The following AP3S2 variants were observed in gnomAD, a reference collection of about 807,000 sequenced individuals.
AP3S2 encodes AP-3 complex subunit sigma-2.
AP3S2 carries 22 observed loss-of-function variants against 23.4 expected under a neutral mutation model. The ratio of observed to expected loss-of-function variants is 0.94; its 90% CI spans 0.67 to 1.34. The LOEUF is 1.34. Among genes scored for constraint, AP3S2 ranks in the 40% most tolerant of loss-of-function variants. AP3S2 has a pLI of 0.00. For synonymous variants in AP3S2, 86 were observed against 87.1 expected (o/e 0.99, Z 0.07); for missense variants, 241 against 236.9 (o/e 1.02, Z -0.11).
intron 2 of AP3S2, among the ~76,000 whole-genome samples, chr15:89,888,836 C>T (rs887974873): frequency 1.1e-4 from 16 of 152,174 alleles, no homozygotes; most frequent in Admixed American, 5.2e-4. Context: ...TGCCTATCCT[C>T]CCGGGGATCA....
At position 89,832,400 on chromosome 15, in the gene AP3S2, C is replaced by T. The variant is rs370980384; in HGVS notation, c.*3115G>A. The T allele has an allele frequency of 2.0e-5, 3 of 151,962 alleles. No individual in the cohort carries two copies. The highest frequency in any genetic ancestry group is 4.4e-5 in the Non-Finnish European group (3 of 68,064). 9.4% of individuals were successfully genotyped at this position (151,962 alleles called of 1,614,324 possible). A position where few individuals can be genotyped will look rare whatever the true frequency, so the allele number is the denominator to read the frequency against. Reference sequence around the variant, plus strand: ...TCGAGGCTGCAGTGAGCCATGATCACACCACTGCACTCCAGCCTGAGCCAC... The same window carrying T: ...TCGAGGCTGCAGTGAGCCATGATCATACCACTGCACTCCAGCCTGAGCCAC... On this transcript the variant is annotated 3_prime_UTR_variant, in exon 6 of 6. Coordinates refer to ENST00000336418, the MANE Select transcript of AP3S2 (RefSeq NM_005829.5).
chr15:89,850,503 A>G (rs1895622181), intron 4 of AP3S2: 1 of 152,256 alleles, frequency 6.6e-6, no homozygotes, highest in Admixed American at 6.5e-5. Flanking sequence ...GAGGCAAAGA[A>G]GAGCAGATTC....
intron 4 of AP3S2, among the ~76,000 whole-genome samples, chr15:89,844,577 G>C (rs1049883399): frequency 6.6e-6 from 1 of 151,434 alleles, no homozygotes; most frequent in Non-Finnish European, 1.5e-5. Flanking sequence ...TTGAACTCCT[G>C]AGCTCAAGGG....
At chr15:89,873,333 G>T (rs556651995) in intron 3 of AP3S2, among the ~76,000 whole-genome samples, 2 of 146,554 alleles carry the variant, frequency 1.4e-5, no homozygotes, top group East Asian at 2.0e-4. Context: ...TGTCCACGCT[G>T]AAGTGCAGTG....
intron 4 of AP3S2, among the ~76,000 whole-genome samples, chr15:89,862,272 A>G (rs184137805): frequency 6.6e-6 from 1 of 152,214 alleles, no homozygotes; most frequent in African/African-American, 2.4e-5. Context: ...GATCTAAAGG[A>G]CATTTCTGGG....
chr15:89,868,947 G>C lies in AP3S2; in HGVS notation c.345+2528C>G, dbSNP rs1443977736. Among the ~76,000 whole-genome samples, 1,010 of 138,406 alleles carry C rather than the reference G, an allele frequency of 7.3e-3. 4 individuals carry two copies. Among genetic ancestry groups the C allele is most frequent in the African/African-American group, 0.028 (955 of 34,210 alleles). The allele number at this position is 138,406 out of a possible 152,430, so 90.8% of individuals were successfully genotyped here. On this transcript the variant is annotated intron_variant, in intron 4 of 5. Coordinates refer to ENST00000336418, the MANE Select transcript of AP3S2 (RefSeq NM_005829.5). ...CAGCCGCCCCGTCCGGGAGGGAGGT[G>C]GGGGGGTCAGCCCCCTGCCCGGCCA...
intron 4 of AP3S2, among the ~76,000 whole-genome samples, chr15:89,847,873 C>T (rs1895535329): frequency 6.6e-6 from 1 of 152,184 alleles, no homozygotes. Flanking sequence ...ATCCATAAAG[C>T]TACCCAAAAT....
chr15:89,882,380 T>G (rs1677017721), intron 3 of AP3S2, among the ~76,000 whole-genome samples: 1 of 151,716 alleles, frequency 6.6e-6, no homozygotes, highest in Non-Finnish European at 1.5e-5. Flanking sequence ...TTTTTTTTTT[T>G]GAGACGGAGT....
At chr15:89,849,169 A>T (rs1895572425) in intron 4 of AP3S2, among the ~76,000 whole-genome samples, 1 of 152,200 alleles carries the variant, frequency 6.6e-6, no homozygotes, top group African/African-American at 2.4e-5. Flanking sequence ...ACTTCATTGA[A>T]AAGTTGACTT....
rs1265257487 is a variant in AP3S2, at chr15:89,832,371, G to A, written c.*3144C>T. The stretch of plus-strand genomic sequence containing the variant: ...AGGTGAGAGGATCACTTGACCCCGG[G>A]GCTTCGAGGCTGCAGTGAGCCATGA... On this transcript the variant is annotated 3_prime_UTR_variant, in exon 6 of 6. Coordinates refer to ENST00000336418, the MANE Select transcript of AP3S2 (RefSeq NM_005829.5). 1 of 151,970 alleles carries A rather than the reference G, an allele frequency of 6.6e-6. No homozygotes were observed. The highest frequency in any genetic ancestry group is 1.5e-5 in the Non-Finnish European group (1 of 68,004). The allele number at this position is 151,970 out of a possible 1,614,324, so 9.4% of individuals were successfully genotyped here. A position where few individuals can be genotyped will look rare whatever the true frequency, so the allele number is the denominator to read the frequency against.
chr15:89,853,336 C>G (rs548580789), intron 4 of AP3S2, among the ~76,000 whole-genome samples: 6 of 152,256 alleles, frequency 3.9e-5, no homozygotes, highest in African/African-American at 1.4e-4. Context: ...TTCCGATCCT[C>G]AAATAATTGA....
intron 4 of AP3S2, chr15:89,850,488 G>C (rs1314990926): frequency 6.6e-6 from 1 of 152,196 alleles, no homozygotes; most frequent in African/African-American, 2.4e-5. Context: ...AGGCACATGA[G>C]AGCAGAGGCA....
chr15:89,853,504 G>A (rs879790027), intron 4 of AP3S2, among the ~76,000 whole-genome samples: 1 of 152,226 alleles, frequency 6.6e-6, no homozygotes, highest in African/African-American at 2.4e-5. Context: ...CAAAAAGTGA[G>A]TCTAAAGAAT....
intron 4 of AP3S2, among the ~76,000 whole-genome samples, chr15:89,854,414 G>A (rs1438085813): frequency 6.5e-5 from 3 of 45,864 alleles, no homozygotes; most frequent in Non-Finnish European, 9.2e-5. Context: ...CCCTCCGCCC[G>A]GCCAGCCGCC....
In AP3S2 at chr15:89,831,791, T is replaced by C. The variant is rs921848829; in HGVS notation, c.*3724A>G. 1 of 152,310 alleles carries C rather than the reference T, an allele frequency of 6.6e-6. No homozygotes were observed. Among genetic ancestry groups the C allele is most frequent in the African/African-American group, 2.4e-5 (1 of 41,474 alleles). 9.4% of individuals were successfully genotyped at this position (152,310 alleles called of 1,614,324 possible). On this transcript the variant is annotated 3_prime_UTR_variant, in exon 6 of 6. Coordinates refer to ENST00000336418, the MANE Select transcript of AP3S2 (RefSeq NM_005829.5). The stretch of plus-strand genomic sequence containing the variant: ...CAAGATATCCTGACTTAATCCTCAA[T>C]GTGGCAGGCACAGGGCCATGGCCAG...
intron 4 of AP3S2, among the ~76,000 whole-genome samples, chr15:89,855,945 T>TAAAAAAAAAAAAAAAAAAA: frequency 8.9e-6 from 1 of 111,984 alleles, no homozygotes. Flanking sequence ...ATATGTCCTT[T>TAAAAAAAAAAAAAAAAAAA]AAAAAAAAAA....
At chr15:89,864,876 C>T (rs1299809826) in intron 4 of AP3S2, among the ~76,000 whole-genome samples, 1 of 152,010 alleles carries the variant, frequency 6.6e-6, no homozygotes, top group Admixed American at 6.6e-5. Context: ...AGGCAGACAA[C>T]CTCACAGAAG....
intron 1 of AP3S2, among the ~76,000 whole-genome samples, chr15:89,891,072 T>C (rs1414002029): frequency 6.6e-6 from 1 of 152,214 alleles, no homozygotes; most frequent in Non-Finnish European, 1.5e-5. Context: ...AGACATCTTT[T>C]GAACTAAAGC....
intron 4 of AP3S2, among the ~76,000 whole-genome samples, chr15:89,866,975 T>C: frequency 1.4e-5 from 2 of 140,948 alleles, no homozygotes; most frequent in African/African-American, 2.7e-5. Flanking sequence ...AAACTCCCCC[T>C]TTTCCCCTCT....
Sources: allele counts gnomAD v4.1 joint callset (sites outside exome capture counted in the v4.1 genomes callset), GRCh38; gene constraint gnomAD v4.1.1; transcripts MANE v1.5; gene names NCBI Gene and HGNC (gene_info 2026-07-23, HGNC 2026-07-21).